Variants in TAOK1 observed in about 807,000 individuals in gnomAD.
The protein encoded by TAOK1 is serine/threonine-protein kinase TAO1.
Under a neutral mutation model 138.3 loss-of-function variants are expected in TAOK1, and 21 were observed. That is an observed-to-expected ratio of 0.15 (90% CI 0.11 to 0.22). TAOK1 has a LOEUF of 0.22. TAOK1 is among the 10% of genes least tolerant of loss of function. TAOK1 has a pLI of 1.00. For synonymous variants in TAOK1, 361 were observed against 398.4 expected (o/e 0.91, Z 1.12); for missense variants, 651 against 1,227.7 (o/e 0.53, Z 7.02).
At chr17:29,457,624 T>TCC (rs2030420796) in intron 2 of TAOK1, among the ~76,000 whole-genome samples, 2 of 150,956 alleles carry the variant, frequency 1.3e-5, no homozygotes, top group Non-Finnish European at 3.0e-5. Flanking sequence ...CAGGCTGGTC[T>TCC]TGAACTCCTA....
At chr17:29,434,886 G>T (rs931343540) in intron 1 of TAOK1, among the ~76,000 whole-genome samples, 7 of 152,142 alleles carry the variant, frequency 4.6e-5, no homozygotes, top group Admixed American at 1.3e-4. Context: ...TCTCAGGGGA[G>T]TTGCATGGAC....
chr17:29,438,061 T>C (rs555307703), intron 1 of TAOK1, among the ~76,000 whole-genome samples: 64 of 152,194 alleles, frequency 4.2e-4, no homozygotes, highest in African/African-American at 1.5e-3. Context: ...ATGGGGAAAA[T>C]GATATGGTGG....
intron 3 of TAOK1, among the ~76,000 whole-genome samples, chr17:29,469,093 G>A (rs2030750353): frequency 6.6e-6 from 1 of 151,806 alleles, no homozygotes; most frequent in African/African-American, 2.4e-5. Flanking sequence ...TTAAAAATCT[G>A]CAATTCTGCC....
intron 1 of TAOK1, among the ~76,000 whole-genome samples, chr17:29,435,198 C>G (rs1490700341): frequency 6.6e-6 from 1 of 152,122 alleles, no homozygotes; most frequent in Non-Finnish European, 1.5e-5. Context: ...TTCTGAGATG[C>G]AGCTGGAGAT....
Position 29,480,439 on chromosome 17 carries a change from C to G in TAOK1, c.521C>G (p.Ser174Cys). Residue 174 changes from serine (S) to cysteine (C), a missense_variant, in exon 7 of 20, where the codon TCC becomes TGC. By Grantham distance (112) the Ser-to-Cys change is moderately radical. Around this residue, in one of 8 missense-constraint regions of TAOK1, gnomAD observed 116 missense variants for 213.9 expected, o/e 0.54. Transcript: ENST00000261716. The stretch of plus-strand genomic sequence containing the variant: ...AAACTTGCTGACTTTGGCTCTGCTT[C>G]CATGGCATCACCTGCCAATTCCTTT... ...QVKLADFGSA[S>C]MASPANSFVG... 6.2e-7 allele frequency: 1 copy of G among 1,613,386 alleles called. No homozygotes were observed.
At chr17:29,419,648 C>T (rs1185220155) in intron 1 of TAOK1, among the ~76,000 whole-genome samples, 5 of 151,866 alleles carry the variant, frequency 3.3e-5, no homozygotes, top group Non-Finnish European at 1.5e-5. Flanking sequence ...CACACCACCA[C>T]GCCTGGCTAA....
Position 29,476,906 on chromosome 17 carries a change from C to T in TAOK1, c.307-755C>T, listed in dbSNP as rs369153186. ...TGTCGCCCAGGCTGGAGTTCAGTGG[C>T]GCAATCACGGCTCACTGCAAGCTCC... On this transcript the variant is annotated intron_variant, in intron 4 of 19. Transcript: ENST00000261716. Among the ~76,000 whole-genome samples, 34 of 152,094 alleles carry T rather than the reference C, an allele frequency of 2.2e-4. No homozygotes were observed. In the South Asian group the frequency reaches 3.1e-3, roughly 14 times the overall value.
intron 1 of TAOK1, among the ~76,000 whole-genome samples, chr17:29,396,907 G>A (rs920113759): frequency 4.9e-5 from 7 of 142,748 alleles, no homozygotes; most frequent in East Asian, 2.1e-4. Flanking sequence ...CAGGAGAATC[G>A]CTGGAACTTG....
intron 1 of TAOK1, among the ~76,000 whole-genome samples, chr17:29,447,549 G>A (rs575759146): frequency 6.6e-6 from 1 of 151,770 alleles, no homozygotes; most frequent in African/African-American, 2.4e-5. Flanking sequence ...CAGGCTGGCA[G>A]GCTGGTCTCA....
In TAOK1 at chr17:29,410,624, T is replaced by TG. The variant is rs1171174188; in HGVS notation, c.-95+19600_-95+19601insG. On this transcript the variant is annotated intron_variant, in intron 1 of 19. Coordinates refer to ENST00000261716, the MANE Select transcript of TAOK1 (RefSeq NM_020791.4). The stretch of plus-strand genomic sequence containing the variant: ...TGTGTTAGCTAGGGTTTTTTGTTTT[T>TG]TTTTTTTTTGGTTTTTTTTTTTGTT... Among the ~76,000 whole-genome samples the TG allele has an allele frequency of 3.3e-5, 5 of 150,662 alleles. No homozygotes were observed. The South Asian group carries it at 8.4e-4, about 25-fold the overall frequency.
At chr17:29,447,664 T>A (rs7216918) in intron 1 of TAOK1, among the ~76,000 whole-genome samples, 87,361 of 142,638 alleles carry the variant, frequency 0.61, 27,905 homozygotes, top group East Asian at 0.94. Flanking sequence ...ATTTTATTTT[T>A]TTTTTTTTTT....
At chr17:29,419,427 A>G (rs1905359225) in intron 1 of TAOK1, among the ~76,000 whole-genome samples, 1 of 151,070 alleles carries the variant, frequency 6.6e-6, no homozygotes, top group Non-Finnish European at 1.5e-5. Flanking sequence ...AACTCCCGAC[A>G]TCAATTGATC....
At chr17:29,457,312 A>G (rs910362561) in intron 2 of TAOK1, among the ~76,000 whole-genome samples, 2 of 145,868 alleles carry the variant, frequency 1.4e-5, no homozygotes, top group Non-Finnish European at 3.0e-5. Context: ...CATGTTGGCC[A>G]GGCTGGTCTT....
chr17:29,468,572 G>A (rs2030738858), intron 3 of TAOK1, among the ~76,000 whole-genome samples: 1 of 149,280 alleles, frequency 6.7e-6, no homozygotes, highest in African/African-American at 2.5e-5. Context: ...TTTTGAGACA[G>A]AGCATCTCTC....
intron 2 of TAOK1, among the ~76,000 whole-genome samples, chr17:29,462,427 C>T (rs1385955573): frequency 6.6e-6 from 1 of 152,066 alleles, no homozygotes; most frequent in Non-Finnish European, 1.5e-5. Context: ...ATATAAAAGC[C>T]AAAGAGAACA....
rs935632406 is a variant in TAOK1, at chr17:29,544,836, C to G, written c.*1814C>G. ...AGTCAGAGGGCTCCAAGGTAGAACT[C>G]TCTAAGTCCCTCTCAATGGCACTCT... is the stretch of plus-strand genomic sequence containing the variant. On this transcript the variant is annotated 3_prime_UTR_variant, in exon 20 of 20. Transcript: ENST00000261716. 1.9e-4 allele frequency: 29 copies of G among 152,340 alleles called. No individual in the cohort carries two copies. Among genetic ancestry groups the G allele is most frequent in the African/African-American group, 6.5e-4 (27 of 41,570 alleles). 9.4% of individuals were successfully genotyped at this position (152,340 alleles called of 1,614,324 possible). A position where few individuals can be genotyped will look rare whatever the true frequency, so the allele number is the denominator to read the frequency against.
At chr17:29,451,966 A>G (rs528974466) in intron 2 of TAOK1, among the ~76,000 whole-genome samples, 7 of 152,306 alleles carry the variant, frequency 4.6e-5, no homozygotes, top group East Asian at 3.9e-4. Flanking sequence ...CTGTAATCCT[A>G]GCACTTTGGG....
At position 29,465,837 on chromosome 17, in the gene TAOK1, C is replaced by CTTTTTTTTTTTTTTTT. The variant is rs3058623; in HGVS notation, c.133-1296_133-1281dup. ...AAGAGTTAACTGTCAAGTTTCTGTG[C>CTTTTTTTTTTTTTTTT]TTTTTTTTTTTTTTTTTTTTTTTTT... On this transcript the variant is annotated intron_variant, in intron 2 of 19. Transcript: ENST00000261716. Among the ~76,000 whole-genome samples, 83 of 45,446 alleles carry CTTTTTTTTTTTTTTTT rather than the reference C, an allele frequency of 1.8e-3. 27 individuals carry two copies. The highest frequency in any genetic ancestry group is 9.5e-3 in the East Asian group (9 of 946). The allele number at this position is 45,446 out of a possible 152,430, so 29.8% of individuals were successfully genotyped here.
intron 1 of TAOK1, among the ~76,000 whole-genome samples, chr17:29,392,243 C>T (rs1904458226): frequency 6.6e-6 from 1 of 152,184 alleles, no homozygotes. Context: ...ACAATTATTA[C>T]ATACAGACAG....
Sources: allele counts gnomAD v4.1 joint callset (sites outside exome capture counted in the v4.1 genomes callset), GRCh38; gene constraint gnomAD v4.1.1; regional missense constraint gnomAD v4.1.1; transcripts MANE v1.5; gene names NCBI Gene and HGNC (gene_info 2026-07-23, HGNC 2026-07-21).